The following KRABD4 variants were observed in gnomAD, a reference collection of about 807,000 sequenced individuals.
KRABD4 encodes KRAB domain-containing protein 4.
the KRABD4 span, among the ~76,000 whole-genome samples, chrX:46,467,246 A>G: frequency 1.8e-5 from 2 of 112,027 alleles, no homozygotes; most frequent in Admixed American, 1.9e-4. Context: ...TATGGTAAGC[A>G]TATGTTTAAC....
the KRABD4 span, chrX:46,472,773 A>G: frequency 4.1e-6 from 5 of 1,211,062 alleles, no homozygotes; most frequent in South Asian, 1.8e-5. Flanking sequence ...TGATGAGCAG[A>G]TAGATCACTA....
At chrX:46,454,853 T>A in the KRABD4 span, 27 of 116,491 alleles carry the variant, frequency 2.3e-4, no homozygotes, top group Non-Finnish European at 3.7e-4. Flanking sequence ...ATTGTAGTTT[T>A]TTTTTATTTT....
the KRABD4 span, among the ~76,000 whole-genome samples, chrX:46,450,238 C>T: frequency 9.0e-6 from 1 of 111,582 alleles, no homozygotes; most frequent in South Asian, 3.8e-4. Context: ...ATACATCTGT[C>T]CAGTAAGGGA....
At chrX:46,464,235 C>G in the KRABD4 span, among the ~76,000 whole-genome samples, 1 of 111,501 alleles carries the variant, frequency 9.0e-6, no homozygotes, top group African/African-American at 3.3e-5. Flanking sequence ...CATAGTACCC[C>G]CTTCACTGGC....
At chrX:46,450,251 C>T in the KRABD4 span, among the ~76,000 whole-genome samples, 876 of 111,690 alleles carry the variant, frequency 7.8e-3, 8 homozygotes, top group Middle Eastern at 0.014. Context: ...GTAAGGGAAA[C>T]AAAATTTCAT....
chrX:46,447,528 T>G, the KRABD4 span, among the ~76,000 whole-genome samples: 1 of 111,118 alleles, frequency 9.0e-6, no homozygotes, highest in East Asian at 2.8e-4. Flanking sequence ...CAGGACCCTC[T>G]GAGCCAGGAC....
At chrX:46,449,148 G>A in the KRABD4 span, among the ~76,000 whole-genome samples, 1 of 112,440 alleles carries the variant, frequency 8.9e-6, no homozygotes, top group Non-Finnish European at 1.9e-5. Flanking sequence ...AGAAGGAGGA[G>A]CCTGGTAATC....
chrX:46,465,791 C>T, the KRABD4 span, among the ~76,000 whole-genome samples: 1 of 110,673 alleles, frequency 9.0e-6, no homozygotes, highest in Non-Finnish European at 1.9e-5. Context: ...GGTTAAGATC[C>T]ACTACTTGAA....
At chrX:46,471,002 C>A in the KRABD4 span, 1 of 555,234 alleles carries the variant, frequency 1.8e-6, no homozygotes, top group Non-Finnish European at 2.7e-6. Flanking sequence ...CTCTGAATGT[C>A]AATTAGGTGA....
the KRABD4 span, among the ~76,000 whole-genome samples, chrX:46,466,324 A>C: frequency 8.9e-6 from 1 of 111,800 alleles, no homozygotes; most frequent in Non-Finnish European, 1.9e-5. Context: ...TTTATTATGA[A>C]AATTTTTGTA....
chrX:46,456,622 C>T, the KRABD4 span: 1 of 287,709 alleles, frequency 3.5e-6, no homozygotes, highest in Non-Finnish European at 6.7e-6. Flanking sequence ...ACTCCCCATA[C>T]CAGCCAGGAA....
At chrX:46,471,721 A>G in the KRABD4 span, among the ~76,000 whole-genome samples, 1 of 112,281 alleles carries the variant, frequency 8.9e-6, no homozygotes, top group Non-Finnish European at 1.9e-5. Context: ...AGTTGGAATC[A>G]TATAGTATGT....
chrX:46,464,526 C>T, the KRABD4 span, among the ~76,000 whole-genome samples: 2 of 112,538 alleles, frequency 1.8e-5, no homozygotes, highest in South Asian at 7.3e-4. Flanking sequence ...GAACCCACTC[C>T]TCAGCACACA....
chrX:46,466,305 C>T, the KRABD4 span, among the ~76,000 whole-genome samples: 1 of 111,387 alleles, frequency 9.0e-6, no homozygotes, highest in Non-Finnish European at 1.9e-5. Context: ...CTAGCTTCTC[C>T]CCCGACATTT....
chrX:46,451,171 G>A, the KRABD4 span, among the ~76,000 whole-genome samples: 1 of 111,725 alleles, frequency 9.0e-6, no homozygotes, highest in Admixed American at 9.5e-5. Context: ...GTTTTGATGT[G>A]CGTAGAAAAA....
At chrX:46,463,372 C>T in the KRABD4 span, 71 of 985,536 alleles carry the variant, frequency 7.2e-5, no homozygotes, top group Non-Finnish European at 1.0e-4. Context: ...GGGATGTGCT[C>T]AGGAGCCCTT....
the KRABD4 span, chrX:46,463,189 C>T: frequency 8.3e-7 from 1 of 1,207,474 alleles, no homozygotes; most frequent in Admixed American, 2.2e-5. Context: ...TGTCATTTCC[C>T]CCGAACAGGG....
the KRABD4 span, among the ~76,000 whole-genome samples, chrX:46,459,164 A>G: frequency 1.8e-5 from 2 of 110,023 alleles, no homozygotes; most frequent in African/African-American, 6.6e-5. Flanking sequence ...AATACAAAAA[A>G]TTAGCCAGGC....
the KRABD4 span, chrX:46,448,547 C>T: frequency 1.8e-5 from 2 of 113,201 alleles, no homozygotes; most frequent in Non-Finnish European, 3.7e-5. Context: ...GGCCTTTGTC[C>T]CTCACTTCAG....
Sources: allele counts gnomAD v4.1 joint callset (sites outside exome capture counted in the v4.1 genomes callset), GRCh38; gene constraint gnomAD v4.1.1; transcripts MANE v1.5; gene names NCBI Gene and HGNC (gene_info 2026-07-23, HGNC 2026-07-21).